Variants in OTOF observed in about 807,000 individuals in gnomAD.
The protein encoded by OTOF is fer-1-like family member 2.
Under a neutral mutation model 236.8 loss-of-function variants are expected in OTOF, and 218 were observed. That is an observed-to-expected ratio of 0.92 (90% CI 0.82 to 1.03). The LOEUF (loss-of-function observed/expected upper bound fraction) is 1.03. Ranked by LOEUF, OTOF falls within the 50% of genes least tolerant of loss-of-function variation. The probability of loss-of-function intolerance (pLI) is 0.00; values close to 1 mark genes in which losing one functional copy is unlikely to be tolerated. For synonymous variants in OTOF, 1,041 were observed against 1,072.5 expected (o/e 0.97, Z 0.57); for missense variants, 2,590 against 2,694.4 (o/e 0.96, Z 0.86).
intron 2 of OTOF, among the ~76,000 whole-genome samples, chr2:26,532,506 A>G (rs1180825821): frequency 1.3e-5 from 2 of 152,208 alleles, no homozygotes; most frequent in East Asian, 3.8e-4. Context: ...GGCTCTGTGC[A>G]TGACGCTGTG....
chr2:26,545,827 T>G (rs1667316763), intron 1 of OTOF, among the ~76,000 whole-genome samples: 3 of 152,118 alleles, frequency 2.0e-5, no homozygotes, highest in African/African-American at 4.8e-5. Context: ...ATGTACAGAG[T>G]TTATTTCTGG....
intron 8 of OTOF, among the ~76,000 whole-genome samples, chr2:26,497,974 C>G: frequency 6.6e-6 from 1 of 152,186 alleles, no homozygotes; most frequent in East Asian, 1.9e-4. Flanking sequence ...ACAACTAATG[C>G]CCCCACCAAC....
At chr2:26,472,439 GC>G in intron 30 of OTOF, 79 bp downstream of exon 30, 1 of 1,563,036 alleles carries the variant, frequency 6.4e-7, no homozygotes, top group Non-Finnish European at 8.8e-7. Context: ...TTCTCTCGGG[GC>G]AGATAGTCTG....
chr2:26,466,408 C>G, intron 36 of OTOF: 1 of 509,696 alleles, frequency 2.0e-6, no homozygotes, highest in Non-Finnish European at 3.6e-6. Context: ...GTGATCTCAG[C>G]TCACTGCAAG....
At chr2:26,520,918 G>C (rs1666661612) in intron 3 of OTOF, among the ~76,000 whole-genome samples, 2 of 152,212 alleles carry the variant, frequency 1.3e-5, no homozygotes, top group African/African-American at 4.8e-5. Context: ...GCACGGCTGG[G>C]ATATCCTCTT....
rs1484818613 is a variant in OTOF at position 26,460,822 on chromosome 2, C to T, written c.5712+30G>A. 1 of 1,613,798 alleles carries T rather than the reference C, an allele frequency of 6.2e-7. No individual in the cohort carries two copies. Among genetic ancestry groups the T allele is most frequent in the Non-Finnish European group, 8.5e-7 (1 of 1,179,848 alleles). Reference sequence around the variant, plus strand: ...GGCACCCCAGCCAGTCCCAGCCCTGCCTACTGCCCGAGCAGGAAGGGGTGC... The same window carrying T: ...GGCACCCCAGCCAGTCCCAGCCCTGTCTACTGCCCGAGCAGGAAGGGGTGC... On this transcript the variant is annotated intron_variant, in intron 44 of 46. Transcript: ENST00000272371. This position sits in a 1 kb window ranked among gnomAD's most constrained non-coding sequence, Gnocchi z 5.3.
intron 2 of OTOF, among the ~76,000 whole-genome samples, chr2:26,530,138 G>A (rs1666909065): frequency 6.6e-6 from 1 of 152,068 alleles, no homozygotes; most frequent in African/African-American, 2.4e-5. Context: ...GTCCCCCTGA[G>A]GGTCTGTGGG....
intron 18 of OTOF, among the ~76,000 whole-genome samples, chr2:26,479,046 C>T (rs1665442847): frequency 6.6e-6 from 1 of 152,252 alleles, no homozygotes; most frequent in South Asian, 2.1e-4. Flanking sequence ...GAACCCAACA[C>T]TCCTGCCCCA....
At chr2:26,489,410 T>C in intron 10 of OTOF, 115 bp from the exon 11 acceptor site, 1 of 829,420 alleles carries the variant, frequency 1.2e-6, no homozygotes, top group Non-Finnish European at 2.0e-6. Context: ...CAGAGTGGGG[T>C]GGCTCACTGA....
At chr2:26,516,672 G>T in intron 4 of OTOF, 73 bp from the exon 5 acceptor site, 1 of 1,522,942 alleles carries the variant, frequency 6.6e-7, no homozygotes, top group Non-Finnish European at 9.0e-7. Context: ...GTGGCTGCTT[G>T]GTGGTGTTTA....
chr2:26,518,069 G>T (rs1190576409), intron 4 of OTOF, among the ~76,000 whole-genome samples: 1 of 152,172 alleles, frequency 6.6e-6, no homozygotes, highest in African/African-American at 2.4e-5. Flanking sequence ...GGAGAAGAGG[G>T]TTCCTTCTGT....
intron 1 of OTOF, 95 bp downstream of exon 1, chr2:26,558,398 A>C: frequency 4.5e-6 from 5 of 1,100,284 alleles, no homozygotes; most frequent in Non-Finnish European, 5.6e-6. Flanking sequence ...TTTCCCACCC[A>C]TCCTCCCAGC....
At chr2:26,517,695 G>C (rs993548975) in intron 4 of OTOF, among the ~76,000 whole-genome samples, 2 of 152,182 alleles carry the variant, frequency 1.3e-5, no homozygotes, top group Non-Finnish European at 2.9e-5. Flanking sequence ...TGCTGGCCCT[G>C]CTGTCAACTG....
At chr2:26,459,166 C>T (rs1283438483) in intron 46 of OTOF, among the ~76,000 whole-genome samples, 1 of 152,208 alleles carries the variant, frequency 6.6e-6, no homozygotes, top group Non-Finnish European at 1.5e-5. Flanking sequence ...AGGTCACACA[C>T]GGGTGAGAGC....
chr2:26,557,534 C>T lies in OTOF; in HGVS notation c.79+959G>A, dbSNP rs190682809. Among the ~76,000 whole-genome samples the T allele has an allele frequency of 4.6e-5, 7 of 152,304 alleles. No homozygotes were observed. In the East Asian group the frequency reaches 1.4e-3, roughly 29 times the overall value. ...CTCCTTGCCCTGCTTGGCTCTCTGG[C>T]CTCCGCTCCTGCACCCTCTCTGAGC... is the stretch of plus-strand genomic sequence containing the variant. On this transcript the variant is annotated intron_variant, in intron 1 of 46. Transcript: ENST00000272371.
At chr2:26,516,724 A>G (rs1666538148) in intron 4 of OTOF, 125 bp from the exon 5 acceptor site, 2 of 980,148 alleles carry the variant, frequency 2.0e-6, no homozygotes, top group South Asian at 2.7e-5. Context: ...GGAGGTCAGG[A>G]TGGTATGATC....
intron 11 of OTOF, among the ~76,000 whole-genome samples, chr2:26,488,764 C>G (rs1665760594): frequency 6.6e-6 from 1 of 152,174 alleles, no homozygotes; most frequent in Admixed American, 6.5e-5. Flanking sequence ...ACGGCAGGGT[C>G]CTGTGAGGGG....
chr2:26,460,669 G>A lies in OTOF; in HGVS notation c.5791C>T (p.Pro1931Ser), dbSNP rs537706054. 1.2e-6 allele frequency: 2 copies of A among 1,614,068 alleles called. No individual in the cohort carries two copies. Among genetic ancestry groups the A allele is most frequent in the South Asian group, 1.1e-5 (1 of 91,080 alleles). ...CACTTGGGTTTCTCTAGGGGGTCAG[G>A]TTCATTGCGGGCCAGGCCCACTGGG... ...KNPVGLARNE[P>S]DPLEKPNRPD... The change falls in exon 45 of 47, where the codon CCT becomes TCT. Residue 1931 changes from proline (P) to serine (S), a missense_variant. Physicochemically the swap from Pro to Ser is moderately conservative, Grantham distance 74. This residue lies in a region of OTOF where 1,211 missense variants were observed against 1,352.8 expected (regional missense o/e 0.90). Coordinates refer to ENST00000272371, the MANE Select transcript of OTOF (RefSeq NM_194248.3). The surrounding 1 kb of genome is among the most constrained non-coding windows in gnomAD (Gnocchi z 5.3).
At chr2:26,519,503 G>A (rs890671875) in intron 3 of OTOF, among the ~76,000 whole-genome samples, 9 of 152,158 alleles carry the variant, frequency 5.9e-5, no homozygotes, top group Non-Finnish European at 1.2e-4. Context: ...GCTTCTACCC[G>A]CCTAACCATG....
Sources: allele counts gnomAD v4.1 joint callset (sites outside exome capture counted in the v4.1 genomes callset), GRCh38; gene constraint gnomAD v4.1.1; regional missense constraint gnomAD v4.1.1; non-coding constraint Gnocchi (gnomAD v3.1); transcripts MANE v1.5; gene names NCBI Gene and HGNC (gene_info 2026-07-23, HGNC 2026-07-21).